The following CCDC146 variants were observed in gnomAD, a reference collection of about 807,000 sequenced individuals.
CCDC146 encodes the protein coiled-coil domain containing 146.
Under a neutral mutation model 119.3 loss-of-function variants are expected in CCDC146, and 92 were observed. That is an observed-to-expected ratio of 0.77 (90% CI 0.65 to 0.92). CCDC146 has a LOEUF of 0.92. Ranked by LOEUF, CCDC146 falls within the 40% of genes least tolerant of loss-of-function variation. The pLI, the probability that CCDC146 is intolerant of heterozygous loss-of-function variation, is 0.00. For synonymous variants in CCDC146, 372 were observed against 371.8 expected (o/e 1.00, Z -0.01); for missense variants, 1,000 against 1,103.0 (o/e 0.91, Z 1.32).
chr7:77,184,554 C>G (rs1000920464), intron 2 of CCDC146, among the ~76,000 whole-genome samples: 1 of 152,214 alleles, frequency 6.6e-6, no homozygotes, highest in Non-Finnish European at 1.5e-5. Flanking sequence ...ATTATTTTAT[C>G]TAACAAATGA....
Position 77,282,672 on chromosome 7 carries a change from A to T in CCDC146, c.2035A>T (p.Ile679Phe). Residue 679 changes from isoleucine (I) to phenylalanine (F), a missense_variant, in exon 15 of 19, where the codon ATC (isoleucine) becomes TTC (phenylalanine). This residue lies in a region of CCDC146 where 985 missense variants were observed against 1,045.3 expected (regional missense o/e 0.94). Transcript: ENST00000285871. ...EIEIHLLEEK[I>F]QFLKMKIAEK... ...TGAAATACATCTACTGGAAGAAAAG[A>T]TCCAATTCCTGAAAATGAAGATTGC... 1.2e-6 allele frequency: 2 copies of T among 1,613,610 alleles called. No individual in the cohort carries two copies. The highest frequency in any genetic ancestry group is 1.7e-6 in the Non-Finnish European group (2 of 1,179,490).
In CCDC146 at chr7:77,143,650, A is replaced by C. The variant is rs529892768; in HGVS notation, c.-12+20918A>C. Among the ~76,000 whole-genome samples, 97 of 151,372 alleles carry C rather than the reference A, an allele frequency of 6.4e-4. 2 individuals carry two copies. The East Asian group carries it at 0.014, about 21-fold the overall frequency. On this transcript the variant is annotated intron_variant, in intron 1 of 18. Coordinates refer to ENST00000285871, the MANE Select transcript of CCDC146 (RefSeq NM_020879.3). Reference sequence around the variant, plus strand: ...TTCTACATATGGCTAGCCAGTTTTCACAGCACCATTTTTTAAATAGGGAAT... The same window carrying C: ...TTCTACATATGGCTAGCCAGTTTTCCCAGCACCATTTTTTAAATAGGGAAT...
At chr7:77,292,596 G>A (rs762710213) in intron 17 of CCDC146, among the ~76,000 whole-genome samples, 34 of 139,720 alleles carry the variant, frequency 2.4e-4, no homozygotes, top group Admixed American at 1.1e-3. Flanking sequence ...CAGCCAGGGC[G>A]ACAGAGCGAG....
chr7:77,235,630 C>G (rs190334685), intron 2 of CCDC146, among the ~76,000 whole-genome samples: 32 of 152,230 alleles, frequency 2.1e-4, no homozygotes, highest in African/African-American at 7.2e-4. Context: ...GTTTTGATCA[C>G]CCAGCATAAC....
rs6949204 is a variant in CCDC146, at chr7:77,148,261, G to A, written c.-11-19397G>A. Among the ~76,000 whole-genome samples the A allele has an allele frequency of 3.9e-3, 598 of 152,284 alleles. 2 individuals carry two copies. Among genetic ancestry groups the A allele is most frequent in the African/African-American group, 0.013 (559 of 41,560 alleles). ...GCCGTTTGCTAAGACCATTGGAAAA[G>A]CGCAGTATTAGGGTGGGAGTGACCT... On this transcript the variant is annotated intron_variant, in intron 1 of 18. Coordinates refer to ENST00000285871, the MANE Select transcript of CCDC146 (RefSeq NM_020879.3).
chr7:77,162,396 A>G (rs1791275861), intron 1 of CCDC146, among the ~76,000 whole-genome samples: 1 of 152,202 alleles, frequency 6.6e-6, no homozygotes, highest in South Asian at 2.1e-4. Context: ...CCTGTATTGA[A>G]GAATCTATGT....
At chr7:77,158,797 C>T (rs6980399) in intron 1 of CCDC146, among the ~76,000 whole-genome samples, 20,390 of 152,104 alleles carry the variant, frequency 0.13, 1,492 homozygotes, top group East Asian at 0.19. Context: ...GGATTACAGG[C>T]GTAAACCACT....
chr7:77,277,103 A>C (rs576909074), intron 11 of CCDC146, among the ~76,000 whole-genome samples: 12 of 151,844 alleles, frequency 7.9e-5, no homozygotes, highest in African/African-American at 2.7e-4. Flanking sequence ...AGAAGGAAGG[A>C]AGGGAGGGAG....
At chr7:77,185,503 T>G (rs1791653727) in intron 2 of CCDC146, among the ~76,000 whole-genome samples, 1 of 152,196 alleles carries the variant, frequency 6.6e-6, no homozygotes, top group Admixed American at 6.5e-5. Flanking sequence ...AGGTAGTATC[T>G]CAGTGAGTCT....
intron 2 of CCDC146, among the ~76,000 whole-genome samples, chr7:77,222,197 G>A (rs1039393156): frequency 2.0e-5 from 3 of 152,190 alleles, no homozygotes; most frequent in Non-Finnish European, 4.4e-5. Flanking sequence ...CAGTGGGGAA[G>A]TTCAAGTTGC....
At chr7:77,185,838 A>G (rs899123853) in intron 2 of CCDC146, among the ~76,000 whole-genome samples, 2 of 152,212 alleles carry the variant, frequency 1.3e-5, no homozygotes, top group African/African-American at 4.8e-5. Context: ...GAAATTCAAG[A>G]TGACACAGAG....
At chr7:77,282,360 T>G in intron 14 of CCDC146, 197 bp from the exon 15 acceptor site, 1 of 512,588 alleles carries the variant, frequency 2.0e-6, no homozygotes. Context: ...GTTGAGAGGC[T>G]CAGTAACCCT....
Position 77,268,889 on chromosome 7 carries a change from A to AT in CCDC146, c.1174-4796dup, listed in dbSNP as rs542039168. Among the ~76,000 whole-genome samples the AT allele has an allele frequency of 5.9e-4, 89 of 151,300 alleles. No homozygotes were observed. The South Asian group carries it at 0.016, about 27-fold the overall frequency. On this transcript the variant is annotated intron_variant, in intron 9 of 18. Transcript: ENST00000285871. ...AAATATTGATCCTTTATTTGAAGCC[A>AT]TTTTTTTTTCCATGCTGGGAAATTT...
At chr7:77,155,556 G>A (rs1472332142) in intron 1 of CCDC146, among the ~76,000 whole-genome samples, 1 of 151,922 alleles carries the variant, frequency 6.6e-6, no homozygotes, top group Non-Finnish European at 1.5e-5. Flanking sequence ...GGTGACATGG[G>A]TTTAAATAAA....
intron 14 of CCDC146, chr7:77,282,241 A>G (rs564551029): frequency 9.2e-4 from 230 of 251,028 alleles, no homozygotes; most frequent in Non-Finnish European, 1.6e-3. Flanking sequence ...AAATCAGACT[A>G]TGGGATCACT....
chr7:77,236,522 C>T (rs1356830236), intron 2 of CCDC146, among the ~76,000 whole-genome samples: 1 of 152,168 alleles, frequency 6.6e-6, no homozygotes, highest in Admixed American at 6.5e-5. Context: ...ATCTTTATTT[C>T]ACAACATTTT....
intron 1 of CCDC146, among the ~76,000 whole-genome samples, chr7:77,158,412 T>C (rs1199205245): frequency 2.6e-5 from 4 of 152,114 alleles, no homozygotes; most frequent in Admixed American, 6.6e-5. Flanking sequence ...TATACTTTAT[T>C]CTATTATTTT....
intron 4 of CCDC146, among the ~76,000 whole-genome samples, chr7:77,252,974 T>G (rs10254481): frequency 6.6e-6 from 1 of 152,062 alleles, no homozygotes. Context: ...TGAAATATAG[T>G]CCCCCTGTGT....
At chr7:77,128,357 C>T (rs1404708174) in intron 1 of CCDC146, among the ~76,000 whole-genome samples, 2 of 152,086 alleles carry the variant, frequency 1.3e-5, no homozygotes, top group Middle Eastern at 3.4e-3. Context: ...GCCAGGTTTT[C>T]GATTTTTATT....
Sources: gnomAD v4.1 joint callset for allele counts (sites outside exome capture counted in the v4.1 genomes callset) on GRCh38, gnomAD v4.1.1 for gene constraint, gnomAD v4.1.1 regional missense constraint, MANE v1.5 for transcripts, NCBI Gene and HGNC (gene_info 2026-07-23, HGNC 2026-07-21) for gene names.